GLRA3: variants seen among roughly 807,000 people sequenced by gnomAD.
The protein encoded by GLRA3 is glycine receptor alpha 3.
Under a neutral mutation model 60.4 loss-of-function variants are expected in GLRA3, and 44 were observed. That is an observed-to-expected ratio of 0.73 (90% CI 0.57 to 0.94). The LOEUF (loss-of-function observed/expected upper bound fraction) is 0.94. Ranked by LOEUF, GLRA3 falls within the 40% of genes least tolerant of loss-of-function variation. The pLI is 0.00. For synonymous variants in GLRA3, 223 were observed against 192.9 expected, an observed-to-expected ratio of 1.16 and a Z score of -1.29; for missense variants, 508 against 564.6, an observed-to-expected ratio of 0.90 and a Z score of 1.02.
intron 2 of GLRA3, among the ~76,000 whole-genome samples, chr4:174,775,065 A>T (rs961799504): frequency 6.6e-6 from 1 of 152,218 alleles, no homozygotes; most frequent in Admixed American, 6.5e-5. Flanking sequence ...AATACAAACA[A>T]AAAATACAGG....
At chr4:174,790,743 G>A (rs9998743) in intron 1 of GLRA3, among the ~76,000 whole-genome samples, 31,951 of 150,322 alleles carry the variant, frequency 0.21, 3,531 homozygotes, top group Non-Finnish European at 0.23. Context: ...CACTTTGGGA[G>A]GCCGAAGCGG....
At chr4:174,797,752 C>A (rs1739628020) in intron 1 of GLRA3, among the ~76,000 whole-genome samples, 1 of 151,862 alleles carries the variant, frequency 6.6e-6, no homozygotes, top group African/African-American at 2.4e-5. Context: ...AGCAACATAG[C>A]AAGACCTCTT....
At chr4:174,652,869 T>C (rs926246053) in intron 9 of GLRA3, among the ~76,000 whole-genome samples, 2 of 152,080 alleles carry the variant, frequency 1.3e-5, no homozygotes, top group African/African-American at 2.4e-5. Context: ...AGAAAACTTA[T>C]GTGGATGTGA....
At chr4:174,644,913 AT>A (rs1256388877) in intron 9 of GLRA3, among the ~76,000 whole-genome samples, 1 of 151,864 alleles carries the variant, frequency 6.6e-6, no homozygotes, top group Non-Finnish European at 1.5e-5. Context: ...GAAATATAAT[AT>A]TTAATAACAA....
At chr4:174,681,903 A>G (rs1339191966) in intron 6 of GLRA3, among the ~76,000 whole-genome samples, 1 of 152,190 alleles carries the variant, frequency 6.6e-6, no homozygotes, top group African/African-American at 2.4e-5. Flanking sequence ...TATCAGCTTC[A>G]TCTCTGAGTT....
chr4:174,701,007 G>A lies in GLRA3; in HGVS notation c.574+14481C>T, dbSNP rs1373000516. Among the ~76,000 whole-genome samples the A allele has an allele frequency of 2.0e-5, 3 of 152,184 alleles. No individual in the cohort carries two copies. The East Asian group carries it at 5.8e-4, about 29-fold the overall frequency. On this transcript the variant is annotated intron_variant, in intron 5 of 9. Coordinates refer to ENST00000274093, the MANE Select transcript of GLRA3 (RefSeq NM_006529.4). Reference sequence around the variant, plus strand: ...AGAAGCTGCAGCAAGATATCCAGAAGACCTAGCTAAGATAATTGATGAAGG... The same window carrying A: ...AGAAGCTGCAGCAAGATATCCAGAAAACCTAGCTAAGATAATTGATGAAGG...
Position 174,640,218 on chromosome 4 carries a change from A to G in GLRA3, c.*3568T>C, listed in dbSNP as rs1398144867. 3.9e-5 allele frequency: 6 copies of G among 152,204 alleles called. No homozygotes were observed. The allele number at this position is 152,204 out of a possible 1,614,324, so 9.4% of individuals were successfully genotyped here. ...TATCTGTCTAAGGATCATTAGATACATTTTTGTTCTCAGAGTTTTGTTCTT... is the reference window on the plus strand; with the variant it reads ...TATCTGTCTAAGGATCATTAGATACGTTTTTGTTCTCAGAGTTTTGTTCTT... On this transcript the variant is annotated 3_prime_UTR_variant, in exon 10 of 10. Coordinates refer to ENST00000274093, the MANE Select transcript of GLRA3 (RefSeq NM_006529.4).
At position 174,646,050 on chromosome 4, in the gene GLRA3, G is replaced by A. The variant is rs183925256; in HGVS notation, c.1117-1986C>T. On this transcript the variant is annotated intron_variant, in intron 9 of 9. Coordinates refer to ENST00000274093, the MANE Select transcript of GLRA3 (RefSeq NM_006529.4). ...AGGCTTTTAAACTATAGCAACCTAT[G>A]TGTTAAAAGACATCTATCTCAAAGT... Among the ~76,000 whole-genome samples the A allele has an allele frequency of 1.8e-4, 27 of 152,274 alleles. 1 individual carries two copies. Among genetic ancestry groups the A allele is most frequent in the Admixed American group, 1.7e-3 (26 of 15,306 alleles).
Position 174,679,477 on chromosome 4 carries a change from G to A in GLRA3, c.713-2185C>T, listed in dbSNP as rs141840860. On this transcript the variant is annotated intron_variant, in intron 6 of 9. Transcript: ENST00000274093. ...GGGAATATAGATTAGTCCAGCTACCGGAGAAAAGAGTATAGGAGTTCCTTT... is the reference window on the plus strand; with the variant it reads ...GGGAATATAGATTAGTCCAGCTACCAGAGAAAAGAGTATAGGAGTTCCTTT... Among the ~76,000 whole-genome samples the A allele has an allele frequency of 5.0e-3, 757 of 152,230 alleles. 2 individuals are homozygous for A. Among genetic ancestry groups the A allele is most frequent in the African/African-American group, 0.016 (668 of 41,540 alleles).
intron 5 of GLRA3, among the ~76,000 whole-genome samples, chr4:174,709,176 A>G (rs1165242347): frequency 6.6e-6 from 1 of 152,094 alleles, no homozygotes; most frequent in Non-Finnish European, 1.5e-5. Flanking sequence ...CTGATAAGTA[A>G]TCAGTAAACT....
chr4:174,715,769 A>G (rs1293323726), intron 4 of GLRA3, among the ~76,000 whole-genome samples, 199 bp from the exon 5 acceptor site: 1 of 152,200 alleles, frequency 6.6e-6, no homozygotes, highest in Non-Finnish European at 1.5e-5. Flanking sequence ...GGGTTGGATA[A>G]TTGCATATCT....
At chr4:174,727,117 A>G (rs1390055682) in intron 4 of GLRA3, among the ~76,000 whole-genome samples, 1 of 152,220 alleles carries the variant, frequency 6.6e-6, no homozygotes, top group African/African-American at 2.4e-5. Flanking sequence ...CAATAAATCT[A>G]TGGAAAAGAA....
intron 3 of GLRA3, among the ~76,000 whole-genome samples, chr4:174,729,644 T>C (rs757361527): frequency 1.8e-4 from 27 of 152,208 alleles, no homozygotes; most frequent in South Asian, 2.1e-4. Context: ...ATATACACAG[T>C]ATATGAAAAT....
intron 5 of GLRA3, among the ~76,000 whole-genome samples, chr4:174,690,064 C>T (rs139972692): frequency 7.2e-5 from 11 of 152,134 alleles, no homozygotes; most frequent in East Asian, 1.9e-4. Context: ...ATGTAACTGG[C>T]GGCCATTATC....
chr4:174,787,289 A>C (rs1459674790), intron 2 of GLRA3, among the ~76,000 whole-genome samples: 2 of 152,114 alleles, frequency 1.3e-5, no homozygotes, highest in Non-Finnish European at 2.9e-5. Flanking sequence ...TAAAAGAAAG[A>C]AATACTTCTG....
intron 3 of GLRA3, among the ~76,000 whole-genome samples, chr4:174,728,905 CT>C: frequency 6.6e-6 from 1 of 152,220 alleles, no homozygotes; most frequent in South Asian, 2.1e-4. Flanking sequence ...CTCAATTTTG[CT>C]GTAAACCTAA....
intron 5 of GLRA3, among the ~76,000 whole-genome samples, chr4:174,703,826 C>T (rs1239800013): frequency 1.3e-5 from 2 of 152,100 alleles, no homozygotes; most frequent in Non-Finnish European, 2.9e-5. Flanking sequence ...TCCTTTTATG[C>T]AGGTAGCAGC....
At chr4:174,750,093 G>T (rs1737407894) in intron 3 of GLRA3, among the ~76,000 whole-genome samples, 1 of 150,588 alleles carries the variant, frequency 6.6e-6, no homozygotes, top group South Asian at 2.1e-4. Flanking sequence ...CAGCTAGAAA[G>T]CCAATTATAC....
rs1732646800 is a variant in GLRA3, at chr4:174,642,384, C to T, written c.*1402G>A. The T allele has an allele frequency of 1.3e-5, 13 of 970,870 alleles. No homozygotes were observed. Among genetic ancestry groups the T allele is most frequent in the Non-Finnish European group, 1.6e-5 (13 of 816,872 alleles). 60.1% of individuals were successfully genotyped at this position (970,870 alleles called of 1,614,324 possible). A position where few individuals can be genotyped will look rare whatever the true frequency, so the allele number is the denominator to read the frequency against. On this transcript the variant is annotated 3_prime_UTR_variant, in exon 10 of 10. Coordinates refer to ENST00000274093, the MANE Select transcript of GLRA3 (RefSeq NM_006529.4). ...AATTTGGTGGACTGAGTTTGTGCAT[C>T]TGACCAATAATTAAAATACCTAAAA... is the stretch of plus-strand genomic sequence containing the variant.
Sources: allele counts gnomAD v4.1 joint callset (sites outside exome capture counted in the v4.1 genomes callset), GRCh38; gene constraint gnomAD v4.1.1; transcripts MANE v1.5; gene names NCBI Gene and HGNC (gene_info 2026-07-23, HGNC 2026-07-21).